TMEM45A: variants seen among roughly 807,000 people sequenced by gnomAD.
TMEM45A encodes the protein transmembrane protein 45A, also known as DNA polymerase-transactivated protein 4.
Under a neutral mutation model 32.0 loss-of-function variants are expected in TMEM45A, and 25 were observed. The observed-to-expected ratio is 0.78, with a 90% CI of 0.57 to 1.09. The LOEUF (loss-of-function observed/expected upper bound fraction) is 1.09. Ranked by LOEUF, TMEM45A falls within the 50% of genes least tolerant of loss-of-function variation. The probability of loss-of-function intolerance (pLI) is 0.00; values close to 1 mark genes in which losing one functional copy is unlikely to be tolerated. For missense variants in TMEM45A, 302 were observed against 325.0 expected, an observed-to-expected ratio of 0.93 and a Z score of 0.54; for synonymous variants, 122 against 114.8, an observed-to-expected ratio of 1.06 and a Z score of -0.40.
intron 4 of TMEM45A, among the ~76,000 whole-genome samples, chr3:100,561,528 G>C (rs1265719998): frequency 1.3e-5 from 2 of 151,978 alleles, no homozygotes; most frequent in Admixed American, 6.6e-5. Flanking sequence ...CAACTTATTA[G>C]CAATGCTTTC....
intron 1 of TMEM45A, among the ~76,000 whole-genome samples, chr3:100,536,348 A>G (rs1705739323): frequency 6.6e-6 from 1 of 152,164 alleles, no homozygotes. Context: ...ATTTCCAACC[A>G]GCTCCCACTT....
At chr3:100,525,706 GA>G (rs992428506) in intron 1 of TMEM45A, among the ~76,000 whole-genome samples, 8 of 152,188 alleles carry the variant, frequency 5.3e-5, no homozygotes, top group African/African-American at 1.9e-4. Flanking sequence ...GCCTTCCGGG[GA>G]GTATTTCTTG....
intron 1 of TMEM45A, among the ~76,000 whole-genome samples, chr3:100,520,561 C>G (rs779297955): frequency 8.5e-5 from 13 of 152,124 alleles, no homozygotes; most frequent in Non-Finnish European, 1.2e-4. Context: ...ACATTGGGTA[C>G]CTACCTGCAG....
At position 100,575,363 on chromosome 3, in the gene TMEM45A, C is replaced by CTTTTTTTTTT. The variant is rs59739893; in HGVS notation, c.735-1544_735-1535dup. Among the ~76,000 whole-genome samples, 16 of 62,762 alleles carry CTTTTTTTTTT rather than the reference C, an allele frequency of 2.5e-4. 1 individual carries two copies. Among genetic ancestry groups the CTTTTTTTTTT allele is most frequent in the East Asian group, 6.9e-4 (1 of 1,442 alleles). The allele number at this position is 62,762 out of a possible 152,430, so 41.2% of individuals were successfully genotyped here. On this transcript the variant is annotated intron_variant, in intron 5 of 5. Transcript: ENST00000323523. ...TGCTTCCCCCAGGCCTATGGATTCT[C>CTTTTTTTTTT]TTTTTTTTTTTTTTTTTTTTTTTTT...
chr3:100,550,308 T>A (rs1170646074), intron 1 of TMEM45A, among the ~76,000 whole-genome samples: 1 of 151,968 alleles, frequency 6.6e-6, no homozygotes, highest in Non-Finnish European at 1.5e-5. Flanking sequence ...TCAAAACCAA[T>A]GAAATTTGCA....
At chr3:100,539,338 T>A (rs191435894) in intron 1 of TMEM45A, among the ~76,000 whole-genome samples, 115 of 152,128 alleles carry the variant, frequency 7.6e-4, no homozygotes, top group African/African-American at 2.6e-3. Context: ...GCAAAGGCAA[T>A]TCAGTAGTGA....
intron 1 of TMEM45A, among the ~76,000 whole-genome samples, chr3:100,526,668 T>C (rs902464054): frequency 6.6e-6 from 1 of 152,216 alleles, no homozygotes; most frequent in Admixed American, 6.5e-5. Flanking sequence ...TAAAGAACTT[T>C]GTTATTTTAG....
chr3:100,524,226 C>T (rs901101413), intron 1 of TMEM45A, among the ~76,000 whole-genome samples: 12 of 152,186 alleles, frequency 7.9e-5, no homozygotes, highest in African/African-American at 2.7e-4. Flanking sequence ...CTGCTTCTTT[C>T]ATTCAAAAGA....
Position 100,493,791 on chromosome 3 carries a change from G to C in TMEM45A, c.-4+863G>C, listed in dbSNP as rs1244518029. Among the ~76,000 whole-genome samples, 3 of 152,118 alleles carry C rather than the reference G, an allele frequency of 2.0e-5. No homozygotes were observed. The East Asian group carries it at 5.8e-4, about 29-fold the overall frequency. Reference sequence around the variant, plus strand: ...TTGTCGCCAAGGCTGGAGTGCAATGGCACGATCTCGGCTTACTGGAACCTC... The same window carrying C: ...TTGTCGCCAAGGCTGGAGTGCAATGCCACGATCTCGGCTTACTGGAACCTC... On this transcript the variant is annotated intron_variant, in intron 1 of 5. Transcript: ENST00000323523.
chr3:100,568,968 G>A lies in TMEM45A; in HGVS notation c.734+1G>A. ...GAATGAATTATGCTTTCATTACCTG[G>A]TAAGTTAGCGATTTCTGTTAATGGA... On this transcript the variant is annotated splice_donor_variant, in intron 5 of 5. Coordinates refer to ENST00000323523, the MANE Select transcript of TMEM45A (RefSeq NM_018004.3). LOFTEE classifies it high-confidence loss of function. The A allele has an allele frequency of 6.2e-7, 1 of 1,608,102 alleles. No homozygotes were observed. Among genetic ancestry groups the A allele is most frequent in the Non-Finnish European group, 8.5e-7 (1 of 1,175,220 alleles).
intron 1 of TMEM45A, among the ~76,000 whole-genome samples, chr3:100,505,738 A>G (rs1335553254): frequency 6.6e-6 from 1 of 152,224 alleles, no homozygotes; most frequent in Non-Finnish European, 1.5e-5. Flanking sequence ...AATACATGAA[A>G]TAATGATTTT....
intron 1 of TMEM45A, chr3:100,519,286 C>T (rs1354949833): frequency 1.2e-5 from 6 of 481,100 alleles, no homozygotes; most frequent in South Asian, 1.0e-4. Context: ...ACGCATGATT[C>T]GTGGGGGACT....
At chr3:100,542,420 C>G (rs1705902496) in intron 1 of TMEM45A, among the ~76,000 whole-genome samples, 1 of 152,096 alleles carries the variant, frequency 6.6e-6, no homozygotes, top group Non-Finnish European at 1.5e-5. Flanking sequence ...ACTAAGTACC[C>G]AAAAGAAATT....
intron 1 of TMEM45A, among the ~76,000 whole-genome samples, chr3:100,553,884 T>G (rs1489173728): frequency 6.6e-6 from 1 of 151,998 alleles, no homozygotes; most frequent in African/African-American, 2.4e-5. Context: ...ATAAGAGACT[T>G]TTAGTGTTTG....
chr3:100,533,467 C>T (rs1472114438), intron 1 of TMEM45A, among the ~76,000 whole-genome samples: 1 of 152,066 alleles, frequency 6.6e-6, no homozygotes, highest in East Asian at 1.9e-4. Context: ...CCTTTTCCAC[C>T]CCCAGCTCCA....
chr3:100,542,053 C>G (rs765761398), intron 1 of TMEM45A, among the ~76,000 whole-genome samples: 1 of 152,084 alleles, frequency 6.6e-6, no homozygotes, highest in Non-Finnish European at 1.5e-5. Context: ...TTACTGTAGT[C>G]TTATAGTAAA....
intron 1 of TMEM45A, among the ~76,000 whole-genome samples, chr3:100,495,792 T>G (rs1189068454): frequency 6.6e-6 from 1 of 152,100 alleles, no homozygotes; most frequent in African/African-American, 2.4e-5. Context: ...AGTGGTCTGG[T>G]GCTCAGGGCA....
At chr3:100,544,098 A>C (rs961451272) in intron 1 of TMEM45A, among the ~76,000 whole-genome samples, 1 of 151,642 alleles carries the variant, frequency 6.6e-6, no homozygotes, top group Non-Finnish European at 1.5e-5. Flanking sequence ...TTGCTATTAT[A>C]CAAGGTAGAT....
intron 1 of TMEM45A, among the ~76,000 whole-genome samples, chr3:100,496,702 G>A (rs541166049): frequency 5.9e-5 from 9 of 152,202 alleles, no homozygotes; most frequent in African/African-American, 2.2e-4. Flanking sequence ...CTCATTGCAG[G>A]CATGCACTCT....
Sources: allele counts gnomAD v4.1 joint callset (sites outside exome capture counted in the v4.1 genomes callset), GRCh38; gene constraint gnomAD v4.1.1; transcripts MANE v1.5; gene names NCBI Gene and HGNC (gene_info 2026-07-23, HGNC 2026-07-21).